Variants in DDAH1 observed in about 807,000 individuals in gnomAD.
The protein encoded by DDAH1 is dimethylarginine dimethylaminohydrolase 1.
In DDAH1, 19 loss-of-function variants were observed where a neutral mutation model predicts 28.8. That is an observed-to-expected ratio of 0.66 (90% CI 0.46 to 0.97). DDAH1 has a LOEUF of 0.97. Among genes scored for constraint, DDAH1 ranks in the 50% least tolerant of loss-of-function variants. DDAH1 has a pLI of 0.00. For synonymous variants in DDAH1, 153 were observed against 154.4 expected, an observed-to-expected ratio of 0.99 and a Z score of 0.07; for missense variants, 326 against 375.9, an observed-to-expected ratio of 0.87 and a Z score of 1.10.
intron 1 of DDAH1, among the ~76,000 whole-genome samples, chr1:85,563,213 G>A (rs1055500596): frequency 1.3e-5 from 2 of 152,148 alleles, no homozygotes; most frequent in African/African-American, 4.8e-5. Flanking sequence ...ACAGGAAAGA[G>A]CTACACAAAG....
chr1:85,429,416 T>C (rs1653565403), intron 1 of DDAH1, among the ~76,000 whole-genome samples: 1 of 152,226 alleles, frequency 6.6e-6, no homozygotes, highest in Non-Finnish European at 1.5e-5. Flanking sequence ...AGTCTATCAT[T>C]CATGGGCATT....
At chr1:85,544,199 T>A (rs1424303870) in intron 1 of DDAH1, among the ~76,000 whole-genome samples, 1 of 152,030 alleles carries the variant, frequency 6.6e-6, no homozygotes, top group Non-Finnish European at 1.5e-5. Flanking sequence ...AATAAGCAAA[T>A]GAAAAACAAA....
chr1:85,415,303 C>G (rs1234250330), intron 1 of DDAH1, among the ~76,000 whole-genome samples: 3 of 152,154 alleles, frequency 2.0e-5, no homozygotes, highest in Non-Finnish European at 4.4e-5. Flanking sequence ...TGTGAAACCA[C>G]TGCACCTGGC....
intron 1 of DDAH1, among the ~76,000 whole-genome samples, chr1:85,570,135 G>A (rs1269416337): frequency 3.3e-5 from 5 of 152,084 alleles, no homozygotes; most frequent in Admixed American, 1.3e-4. Context: ...TACCACTGAC[G>A]AGACTGAGAC....
At chr1:85,533,766 T>C (rs1197405233) in intron 1 of DDAH1, among the ~76,000 whole-genome samples, 1 of 152,188 alleles carries the variant, frequency 6.6e-6, no homozygotes, top group Non-Finnish European at 1.5e-5. Flanking sequence ...CCTATTTAAA[T>C]GAGCTTGCTA....
chr1:85,378,763 A>G (rs1650815123), intron 1 of DDAH1, among the ~76,000 whole-genome samples: 1 of 152,184 alleles, frequency 6.6e-6, no homozygotes, highest in African/African-American at 2.4e-5. Context: ...GCCCTATTCT[A>G]TTCTTGCAAA....
intron 1 of DDAH1, among the ~76,000 whole-genome samples, chr1:85,457,431 A>G (rs971673067): frequency 2.6e-5 from 4 of 152,030 alleles, no homozygotes; most frequent in African/African-American, 9.7e-5. Context: ...AGTGTCTGTC[A>G]CTGATCTGCC....
At chr1:85,351,276 G>A (rs1649186124) in intron 3 of DDAH1, among the ~76,000 whole-genome samples, 1 of 152,134 alleles carries the variant, frequency 6.6e-6, no homozygotes. Flanking sequence ...GGAGAAGACA[G>A]AAGATGCCCA....
At chr1:85,397,990 CTT>C (rs11296270) in intron 1 of DDAH1, among the ~76,000 whole-genome samples, 15,908 of 145,114 alleles carry the variant, frequency 0.11, 896 homozygotes, top group Middle Eastern at 0.14. Flanking sequence ...AAATAAACCT[CTT>C]TTTTTTTTTT....
rs369486848 is a variant in DDAH1, at chr1:85,362,897, AGTTC to A, written c.304-4054_304-4051del. ...TCTGTATTAAATAAAACATCTTTTAAGTTCAGTTTTCCTTTTGTTCTTGCAAAAT... is the reference window on the plus strand; with the variant it reads ...TCTGTATTAAATAAAACATCTTTTAAAGTTTTCCTTTTGTTCTTGCAAAAT... On this transcript the variant is annotated intron_variant, in intron 1 of 5. Coordinates refer to ENST00000284031, the MANE Select transcript of DDAH1 (RefSeq NM_012137.4). Among the ~76,000 whole-genome samples, 717 of 152,290 alleles carry A rather than the reference AGTTC, an allele frequency of 4.7e-3. 5 individuals carry two copies. The highest frequency in any genetic ancestry group is 0.016 in the African/African-American group (664 of 41,548).
At chr1:85,349,114 GCTTT>G (rs1649042451) in intron 4 of DDAH1, among the ~76,000 whole-genome samples, 1 of 152,166 alleles carries the variant, frequency 6.6e-6, no homozygotes, top group Non-Finnish European at 1.5e-5. Flanking sequence ...CAAGACACCA[GCTTT>G]TTTTATATGC....
At chr1:85,487,839 A>G (rs1463707789) in intron 2 of DDAH1, among the ~76,000 whole-genome samples, 2 of 152,092 alleles carry the variant, frequency 1.3e-5, no homozygotes, top group South Asian at 2.1e-4. Context: ...ATTGCAGTAC[A>G]CATTGGCACT....
At chr1:85,436,148 C>G (rs1316886019) in intron 1 of DDAH1, among the ~76,000 whole-genome samples, 1 of 151,806 alleles carries the variant, frequency 6.6e-6, no homozygotes, top group Non-Finnish European at 1.5e-5. Context: ...AATTCAAGAA[C>G]AATACTAAAA....
chr1:85,483,285 C>T (rs1296037042), intron 2 of DDAH1, among the ~76,000 whole-genome samples: 4 of 150,688 alleles, frequency 2.7e-5, no homozygotes, highest in Admixed American at 1.3e-4. Flanking sequence ...TTGACCAACA[C>T]TCAAAAATAA....
chr1:85,464,220 C>A lies in DDAH1; in HGVS notation c.303+523G>T, dbSNP rs1479447364. Among the ~76,000 whole-genome samples, 1 of 152,164 alleles carries A rather than the reference C, an allele frequency of 6.6e-6. No individual in the cohort carries two copies. Among genetic ancestry groups the A allele is most frequent in the Non-Finnish European group, 1.5e-5 (1 of 68,034 alleles). Reference sequence around the variant, plus strand: ...GTTCTTTGGGACTCACTCGCCACCACTGAAAACTAACTTGAGAAGCCCCAG... The same window carrying A: ...GTTCTTTGGGACTCACTCGCCACCAATGAAAACTAACTTGAGAAGCCCCAG... On this transcript the variant is annotated intron_variant, in intron 1 of 5. Coordinates refer to ENST00000284031, the MANE Select transcript of DDAH1 (RefSeq NM_012137.4). The surrounding 1 kb of genome is among the most constrained non-coding windows in gnomAD (Gnocchi z 4.4).
chr1:85,556,054 G>A lies in DDAH1; in HGVS notation c.-123+21930C>T, dbSNP rs574283878. 1.5e-4 allele frequency among the ~76,000 whole-genome samples: 23 copies of A among 151,546 alleles called. No homozygotes were observed. In the South Asian group the frequency reaches 3.8e-3, roughly 25 times the overall value. ...AAGGCACGAACAGGCTGGGGAGTGC[G>A]GCCACCGCCACCACCACCGCCGCCG... On this transcript the variant is annotated intron_variant, in intron 1 of 6. Transcript: ENST00000426972.
intron 1 of DDAH1, among the ~76,000 whole-genome samples, chr1:85,438,117 G>T (rs1157447936): frequency 6.6e-6 from 1 of 152,168 alleles, no homozygotes; most frequent in African/African-American, 2.4e-5. Flanking sequence ...TTATATGTGG[G>T]AGCTAAACAT....
chr1:85,423,689 CTTTT>C (rs1013331210), intron 1 of DDAH1, among the ~76,000 whole-genome samples: 19 of 152,106 alleles, frequency 1.2e-4, no homozygotes, highest in African/African-American at 4.3e-4. Flanking sequence ...GTTGTGTTTT[CTTTT>C]TTGTCAGTTC....
Position 85,464,471 on chromosome 1 carries a change from G to C in DDAH1, c.303+272C>G. On this transcript the variant is annotated intron_variant, in intron 1 of 5. Transcript: ENST00000284031. This position sits in a 1 kb window ranked among gnomAD's most constrained non-coding sequence, Gnocchi z 4.4. ...AATTTTCACAAATAAAAATGCCCGT[G>C]AGACGGAATCCCCCGCCCACCCACC... 1 of 1,513,544 alleles carries C rather than the reference G, an allele frequency of 6.6e-7. No homozygotes were observed. The highest frequency in any genetic ancestry group is 8.8e-7 in the Non-Finnish European group (1 of 1,132,020). 93.8% of individuals were successfully genotyped at this position (1,513,544 alleles called of 1,614,324 possible). A position where few individuals can be genotyped will look rare whatever the true frequency, so the allele number is the denominator to read the frequency against.
Sources: gnomAD v4.1 joint callset for allele counts (sites outside exome capture counted in the v4.1 genomes callset) on GRCh38, gnomAD v4.1.1 for gene constraint, Gnocchi (gnomAD v3.1) non-coding constraint, MANE v1.5 for transcripts, NCBI Gene and HGNC (gene_info 2026-07-23, HGNC 2026-07-21) for gene names.